B4GALT1: variants seen among roughly 807,000 people sequenced by gnomAD.
B4GALT1 encodes the protein beta-1,4-galactosyltransferase 1, also known as N-acetyllactosamine synthase.
In B4GALT1, 16 loss-of-function variants were observed where a neutral mutation model predicts 34.9. That is an observed-to-expected ratio of 0.46 (90% CI 0.31 to 0.70). The LOEUF is 0.70. Ranked by LOEUF, B4GALT1 falls within the 30% of genes least tolerant of loss-of-function variation. The pLI is 0.05. For synonymous variants in B4GALT1, 221 were observed against 218.1 expected (o/e 1.01, Z -0.12); for missense variants, 445 against 530.5 (o/e 0.84, Z 1.58).
the B4GALT1 span, among the ~76,000 whole-genome samples, chr9:33,176,533 A>G: frequency 1.3e-5 from 2 of 152,210 alleles, no homozygotes; most frequent in Non-Finnish European, 2.9e-5. Context: ...CATAGAAAAG[A>G]ACAAAATTAT....
intron 1 of B4GALT1, among the ~76,000 whole-genome samples, chr9:33,152,521 G>C (rs930725096): frequency 3.4e-5 from 3 of 89,262 alleles, no homozygotes; most frequent in African/African-American, 8.7e-5. Context: ...TGGGTTAAAA[G>C]AAAAAGGGTA....
chr9:33,142,317 C>G (rs930103144), intron 1 of B4GALT1, among the ~76,000 whole-genome samples: 2 of 152,118 alleles, frequency 1.3e-5, no homozygotes, highest in Non-Finnish European at 2.9e-5. Context: ...TGGTATTTTT[C>G]TTTATACCTT....
intron 1 of B4GALT1, among the ~76,000 whole-genome samples, chr9:33,151,961 C>A (rs773881452): frequency 2.0e-5 from 3 of 152,142 alleles, no homozygotes; most frequent in Non-Finnish European, 4.4e-5. Flanking sequence ...ATGGTGAAGA[C>A]CTGCTTAAGT....
chr9:33,106,762 C>T (rs1839799630), downstream of B4GALT1, among the ~76,000 whole-genome samples: 1 of 152,144 alleles, frequency 6.6e-6, no homozygotes, highest in Non-Finnish European at 1.5e-5. Context: ...CTCAAGAAGA[C>T]AGAGAAGGTT....
chr9:33,144,183 TA>T (rs1000894171), intron 1 of B4GALT1, among the ~76,000 whole-genome samples: 2 of 149,370 alleles, frequency 1.3e-5, no homozygotes, highest in African/African-American at 4.9e-5. Flanking sequence ...TGTGCCTGAC[TA>T]AATATCTACC....
chr9:33,150,938 T>C (rs1212833663), intron 1 of B4GALT1, among the ~76,000 whole-genome samples: 9 of 151,916 alleles, frequency 5.9e-5, no homozygotes, highest in Non-Finnish European at 8.8e-5. Context: ...ATGATGATTA[T>C]TGGCCATGAA....
Position 33,149,736 on chromosome 9 carries a change from T to C in B4GALT1, c.413-14312A>G, listed in dbSNP as rs74846681. Among the ~76,000 whole-genome samples the C allele has an allele frequency of 4.0e-3, 602 of 152,316 alleles. 5 individuals carry two copies. Among genetic ancestry groups the C allele is most frequent in the African/African-American group, 0.014 (581 of 41,552 alleles). On this transcript the variant is annotated intron_variant, in intron 1 of 5. Transcript: ENST00000379731. ...TCGTTACACTGAGAAGAACTCAGCA[T>C]CATTTCAGTGGTATTCCTGTCAAAA...
upstream of B4GALT1, among the ~76,000 whole-genome samples, chr9:33,169,820 C>CAAA (rs1431435598): frequency 6.6e-6 from 1 of 151,964 alleles, no homozygotes; most frequent in Non-Finnish European, 1.5e-5. Context: ...CGCGCCCGGC[C>CAAA]TTAACCTGCT....
intron 3 of B4GALT1, among the ~76,000 whole-genome samples, 179 bp downstream of exon 3, chr9:33,120,240 A>C (rs1840001252): frequency 6.6e-6 from 1 of 152,100 alleles, no homozygotes; most frequent in South Asian, 2.1e-4. Context: ...GGATGTGCAG[A>C]GACTACAGGC....
At chr9:33,133,546 T>C (rs1389991576) in intron 2 of B4GALT1, among the ~76,000 whole-genome samples, 1 of 152,242 alleles carries the variant, frequency 6.6e-6, no homozygotes, top group Admixed American at 6.5e-5. Flanking sequence ...TTTTCTTAAA[T>C]GAATATGTGT....
At chr9:33,178,452 A>G in the B4GALT1 span, among the ~76,000 whole-genome samples, 3 of 152,228 alleles carry the variant, frequency 2.0e-5, no homozygotes, top group Non-Finnish European at 4.4e-5. Context: ...GCCATCTTCA[A>G]TCTGTCACAA....
chr9:33,163,364 T>C (rs759489668), intron 1 of B4GALT1, among the ~76,000 whole-genome samples: 2 of 152,194 alleles, frequency 1.3e-5, no homozygotes, highest in South Asian at 4.1e-4. Context: ...CTGGTCCAAG[T>C]GCCCATCTCT....
intron 1 of B4GALT1, among the ~76,000 whole-genome samples, chr9:33,146,367 G>A (rs948383204): frequency 1.3e-5 from 2 of 152,192 alleles, no homozygotes; most frequent in South Asian, 2.1e-4. Context: ...GAACTAGAGC[G>A]CTTCCAGAAG....
intron 1 of B4GALT1, among the ~76,000 whole-genome samples, chr9:33,143,042 G>A (rs1368646729): frequency 3.3e-5 from 5 of 152,222 alleles, no homozygotes; most frequent in African/African-American, 1.2e-4. Flanking sequence ...CTACCTGGGA[G>A]GCTGAGGCAG....
chr9:33,108,509 G>A (rs113318129), downstream of B4GALT1, among the ~76,000 whole-genome samples: 2 of 151,688 alleles, frequency 1.3e-5, no homozygotes, highest in African/African-American at 4.8e-5. Flanking sequence ...GAGAGGCCAA[G>A]TCATTTGCTC....
intron 1 of B4GALT1, among the ~76,000 whole-genome samples, chr9:33,150,620 T>G (rs771162251): frequency 8.2e-4 from 125 of 152,306 alleles, no homozygotes; most frequent in Non-Finnish European, 1.5e-3. Context: ...GGGATTTTTT[T>G]GGGGTGATGG....
chr9:33,149,270 A>AT (rs1466889569), intron 1 of B4GALT1, among the ~76,000 whole-genome samples: 1 of 150,290 alleles, frequency 6.7e-6, no homozygotes, highest in Non-Finnish European at 1.5e-5. Context: ...TACTTAAAAA[A>AT]TTTTTTTATT....
At chr9:33,130,377 C>T (rs928248706) in intron 2 of B4GALT1, among the ~76,000 whole-genome samples, 2 of 151,528 alleles carry the variant, frequency 1.3e-5, no homozygotes, top group Non-Finnish European at 2.9e-5. Flanking sequence ...TTCTTGCTGC[C>T]GTTGAAGTTG....
chr9:33,109,642 A>T (rs1839832072), downstream of B4GALT1, among the ~76,000 whole-genome samples: 1 of 152,240 alleles, frequency 6.6e-6, no homozygotes, highest in Non-Finnish European at 1.5e-5. Context: ...GTATCCAAAA[A>T]ACATTTTTGT....
Sources: gnomAD v4.1 joint callset for allele counts (sites outside exome capture counted in the v4.1 genomes callset) on GRCh38, gnomAD v4.1.1 for gene constraint, MANE v1.5 for transcripts, NCBI Gene and HGNC (gene_info 2026-07-23, HGNC 2026-07-21) for gene names.